Variants in PUM1 observed in about 807,000 individuals in gnomAD.
PUM1 encodes the protein pumilio homolog 1.
In PUM1, 13 loss-of-function variants were observed where a neutral mutation model predicts 131.8. The ratio of observed to expected loss-of-function variants is 0.10; its 90% CI spans 0.06 to 0.16. PUM1 has a LOEUF of 0.16. Among genes scored for constraint, PUM1 ranks in the 10% least tolerant of loss-of-function variants. The pLI is 1.00. For missense variants in PUM1, 961 were observed against 1,512.4 expected (o/e 0.64, Z 6.05); for synonymous variants, 509 against 556.5 (o/e 0.91, Z 1.20).
At chr1:31,054,355 C>G (rs1644185473) in intron 2 of PUM1, among the ~76,000 whole-genome samples, 2 of 151,824 alleles carry the variant, frequency 1.3e-5, no homozygotes. Flanking sequence ...AGTGTAAAAG[C>G]AATTGCTCTT....
In PUM1 at chr1:30,952,179, T is replaced by C. The variant is rs542663557; in HGVS notation, c.2721+55A>G. 176 of 1,564,186 alleles carry C rather than the reference T, an allele frequency of 1.1e-4. 3 individuals carry two copies. The South Asian group carries it at 1.9e-3, about 17-fold the overall frequency. On this transcript the variant is annotated intron_variant, in intron 16 of 21. Transcript: ENST00000426105. Reference sequence around the variant, plus strand: ...CTATGCTTAAAAAGGCTAATGAAAATCAAAATGCTCTGCAGATTCTCTTAA... The same window carrying C: ...CTATGCTTAAAAAGGCTAATGAAAACCAAAATGCTCTGCAGATTCTCTTAA...
intron 3 of PUM1, among the ~76,000 whole-genome samples, chr1:31,028,020 T>C (rs534537523): frequency 6.6e-6 from 1 of 152,274 alleles, no homozygotes; most frequent in East Asian, 1.9e-4. Context: ...CCTGTGGTAT[T>C]TTAAGTAGTT....
intron 10 of PUM1, among the ~76,000 whole-genome samples, chr1:30,969,194 C>T (rs977802809): frequency 6.6e-6 from 1 of 151,088 alleles, no homozygotes; most frequent in Non-Finnish European, 1.5e-5. Flanking sequence ...ATCCCAGCTA[C>T]GAGAGAGGAT....
At position 31,065,677 on chromosome 1, in the gene PUM1, G is replaced by A. The variant is rs1375873884; in HGVS notation, c.-73C>T. 3.2e-6 allele frequency: 5 copies of A among 1,549,318 alleles called. No homozygotes were observed. Among genetic ancestry groups the A allele is most frequent in the African/African-American group, 2.7e-5 (2 of 72,832 alleles). ...CCGATCTTCTCTCTCTGGCGCTCTCGCTCCCCCTTACCTTTCACTCCGACA... is the reference window on the plus strand; with the variant it reads ...CCGATCTTCTCTCTCTGGCGCTCTCACTCCCCCTTACCTTTCACTCCGACA... On this transcript the variant is annotated 5_prime_UTR_variant, in exon 1 of 22. Transcript: ENST00000426105.
At chr1:30,988,413 G>T (rs191350273) in intron 7 of PUM1, among the ~76,000 whole-genome samples, 1 of 152,282 alleles carries the variant, frequency 6.6e-6, no homozygotes, top group African/African-American at 2.4e-5. Context: ...AAGATTGAAA[G>T]AAAATATAAC....
Position 30,942,057 on chromosome 1 carries a change from G to C in PUM1, c.3061C>G (p.Pro1021Ala), listed in dbSNP as rs751041447. The change falls in exon 19 of 22, where the codon CCT becomes GCT. Residue 1021 changes from proline (P) to alanine (A), a missense_variant. Physicochemically the swap from Pro to Ala is conservative, Grantham distance 27 (BLOSUM62 -1). This residue lies in a region of PUM1 where 178 missense variants were observed against 327.5 expected (regional missense o/e 0.54). Transcript: ENST00000426105. ...TCTAAAATAGGGAGTGTCTGGTCAGGGAGACAGTGCTCCAGGATTCTCTGA... is the reference window on the plus strand; with the variant it reads ...TCTAAAATAGGGAGTGTCTGGTCAGCGAGACAGTGCTCCAGGATTCTCTGA... ...VIQRILEHCLPDQTLPILEEL... is the reference protein window; with the variant it reads ...VIQRILEHCLADQTLPILEEL... 1.2e-6 allele frequency: 2 copies of C among 1,601,602 alleles called. No homozygotes were observed. Among genetic ancestry groups the C allele is most frequent in the Admixed American group, 3.4e-5 (2 of 59,616 alleles).
At chr1:30,958,206 T>C (rs895425187) in intron 14 of PUM1, among the ~76,000 whole-genome samples, 2 of 152,194 alleles carry the variant, frequency 1.3e-5, no homozygotes, top group South Asian at 2.1e-4. Context: ...ACCCTGAAGA[T>C]AAAGGACAGA....
At position 30,965,919 on chromosome 1, in the gene PUM1, T is replaced by C. The variant is rs1319005705; in HGVS notation, c.2086+63A>G. 4.0e-6 allele frequency: 6 copies of C among 1,513,274 alleles called. No homozygotes were observed. The East Asian group carries it at 9.1e-5, about 23-fold the overall frequency. 93.7% of individuals were successfully genotyped at this position (1,513,274 alleles called of 1,614,324 possible). ...CCTGTGGTTCCATGCATTGCCAGTA[T>C]TCCAGAAGGATTGTAAAAATAATTA... On this transcript the variant is annotated intron_variant, in intron 13 of 21. Transcript: ENST00000426105.
chr1:31,020,627 A>C (rs925054878), intron 3 of PUM1, among the ~76,000 whole-genome samples: 1 of 152,068 alleles, frequency 6.6e-6, no homozygotes, highest in Admixed American at 6.6e-5. Context: ...AACAAAGAAT[A>C]CTCCACATCA....
chr1:30,938,110 G>A (rs1639289237), intron 20 of PUM1, among the ~76,000 whole-genome samples: 1 of 152,076 alleles, frequency 6.6e-6, no homozygotes, highest in South Asian at 2.1e-4. Flanking sequence ...TTGCTGTGTT[G>A]CCCAGGCTAG....
chr1:30,977,918 T>C (rs1420482627), intron 9 of PUM1, among the ~76,000 whole-genome samples: 1 of 152,202 alleles, frequency 6.6e-6, no homozygotes, highest in Non-Finnish European at 1.5e-5. Flanking sequence ...ACCCCAACTC[T>C]ACAACATTTA....
intron 5 of PUM1, 87 bp from the exon 6 acceptor site, chr1:30,995,307 C>T (rs1002210453): frequency 7.1e-7 from 1 of 1,399,128 alleles, no homozygotes; most frequent in South Asian, 1.2e-5. Context: ...ACACTAGATG[C>T]TACTCAGAAG....
At chr1:30,969,269 G>A (rs1047132627) in intron 10 of PUM1, among the ~76,000 whole-genome samples, 15 of 135,078 alleles carry the variant, frequency 1.1e-4, no homozygotes, top group African/African-American at 4.0e-4. Context: ...GAGACACTTC[G>A]CTCCAGCCTG....
intron 2 of PUM1, among the ~76,000 whole-genome samples, chr1:31,056,644 T>G (rs1436081225): frequency 1.4e-5 from 1 of 72,732 alleles, no homozygotes; most frequent in Admixed American, 1.8e-4. Context: ...TTTTTTTTTT[T>G]GAGACAGGGT....
intron 3 of PUM1, among the ~76,000 whole-genome samples, chr1:31,011,384 A>AT (rs1407214746): frequency 6.6e-6 from 1 of 152,196 alleles, no homozygotes; most frequent in Non-Finnish European, 1.5e-5. Context: ...ATCCTTTTCA[A>AT]TTGAAAAAAA....
intron 5 of PUM1, among the ~76,000 whole-genome samples, chr1:30,996,749 C>T (rs769148501): frequency 6.6e-6 from 1 of 152,088 alleles, no homozygotes; most frequent in Non-Finnish European, 1.5e-5. Flanking sequence ...CATTGAGATT[C>T]CTCAAAGCAG....
At chr1:31,060,856 A>G (rs1425282365) in intron 1 of PUM1, among the ~76,000 whole-genome samples, 1 of 151,880 alleles carries the variant, frequency 6.6e-6, no homozygotes, top group Non-Finnish European at 1.5e-5. Context: ...ACTGCACTCC[A>G]GCCTGGGCGA....
rs185850041 is a variant in PUM1, at chr1:31,030,007, G to A, written c.364-1143C>T. Reference sequence around the variant, plus strand: ...GAGGCAGGAGGATCACTTGAGATCAGGAGTTCGAGACCAGCCTGGCCAACA... The same window carrying A: ...GAGGCAGGAGGATCACTTGAGATCAAGAGTTCGAGACCAGCCTGGCCAACA... On this transcript the variant is annotated intron_variant, in intron 2 of 21. Transcript: ENST00000426105. Among the ~76,000 whole-genome samples, 339 of 151,746 alleles carry A rather than the reference G, an allele frequency of 2.2e-3. 2 individuals are homozygous for A. Among genetic ancestry groups the A allele is most frequent in the African/African-American group, 7.9e-3 (326 of 41,368 alleles).
intron 21 of PUM1, among the ~76,000 whole-genome samples, chr1:30,933,835 T>C (rs925847855): frequency 1.3e-5 from 2 of 152,182 alleles, no homozygotes; most frequent in African/African-American, 4.8e-5. Flanking sequence ...CAGGTCACAG[T>C]GGATCACAGA....
Sources: gnomAD v4.1 joint callset for allele counts (sites outside exome capture counted in the v4.1 genomes callset) on GRCh38, gnomAD v4.1.1 for gene constraint, gnomAD v4.1.1 regional missense constraint, MANE v1.5 for transcripts, NCBI Gene and HGNC (gene_info 2026-07-23, HGNC 2026-07-21) for gene names.